Variants in DACH2 observed in about 807,000 individuals in gnomAD.
The protein encoded by DACH2 is dachshund family transcription factor 2, also known as dachshund homolog 2.
In DACH2, 17 loss-of-function variants were observed where a neutral mutation model predicts 35.8. The ratio of observed to expected loss-of-function variants is 0.48; its 90% confidence interval spans 0.33 to 0.71. DACH2 has a LOEUF of 0.71. DACH2 is among the 30% of genes least tolerant of loss of function. The pLI is 0.02. For missense variants in DACH2, 469 were observed against 472.7 expected (o/e 0.99, Z 0.07); for synonymous variants, 195 against 177.3 (o/e 1.10, Z -0.79).
intron 7 of DACH2, among the ~76,000 whole-genome samples, chrX:86,791,156 T>A (rs2042183652): frequency 9.0e-6 from 1 of 110,885 alleles, no homozygotes; most frequent in Admixed American, 9.6e-5. Context: ...GGGGTGGCAG[T>A]GGTGGAAGAA....
intron 1 of DACH2, among the ~76,000 whole-genome samples, chrX:86,173,651 A>C (rs143630939): frequency 8.9e-6 from 1 of 111,776 alleles, no homozygotes; most frequent in Non-Finnish European, 1.9e-5. Flanking sequence ...TAGGAAAGAG[A>C]TCATAATGGT....
At chrX:86,452,362 T>C (rs969834574) in intron 2 of DACH2, among the ~76,000 whole-genome samples, 1 of 111,686 alleles carries the variant, frequency 9.0e-6, no homozygotes, top group African/African-American at 3.3e-5. Flanking sequence ...GAGGAGTCCT[T>C]CGTTTTCAAT....
chrX:86,662,544 G>A (rs1416112681), intron 4 of DACH2, among the ~76,000 whole-genome samples: 5 of 109,629 alleles, frequency 4.6e-5, no homozygotes, highest in Non-Finnish European at 9.5e-5. Context: ...AGTGAGCCGA[G>A]ATCACGCCGC....
intron 2 of DACH2, among the ~76,000 whole-genome samples, chrX:86,458,793 T>C (rs1422916270): frequency 9.0e-6 from 1 of 111,485 alleles, no homozygotes; most frequent in Non-Finnish European, 1.9e-5. Context: ...AGGCATTACT[T>C]ATGATTTAAG....
chrX:86,730,546 G>T (rs1035090477), intron 6 of DACH2, among the ~76,000 whole-genome samples: 1 of 111,644 alleles, frequency 9.0e-6, no homozygotes, highest in Admixed American at 9.5e-5. Flanking sequence ...GAAACCACTG[G>T]TATCTGGTTT....
intron 1 of DACH2, among the ~76,000 whole-genome samples, chrX:86,222,249 A>C (rs1168549971): frequency 8.9e-6 from 1 of 112,312 alleles, no homozygotes; most frequent in Non-Finnish European, 1.9e-5. Context: ...ATCCACTCAA[A>C]TATTAGCAGG....
intron 1 of DACH2, among the ~76,000 whole-genome samples, chrX:86,288,862 T>C (rs758326467): frequency 8.9e-6 from 1 of 111,822 alleles, no homozygotes; most frequent in South Asian, 3.7e-4. Flanking sequence ...TCAAGTCTGG[T>C]TTGGTGCTCT....
chrX:86,585,190 C>A (rs1321466148), intron 3 of DACH2, among the ~76,000 whole-genome samples: 2 of 110,669 alleles, frequency 1.8e-5, no homozygotes, highest in East Asian at 5.7e-4. Flanking sequence ...ACTGCTGGGT[C>A]CAATGATAGT....
At chrX:86,406,040 C>A (rs985085656) in intron 2 of DACH2, among the ~76,000 whole-genome samples, 3 of 111,573 alleles carry the variant, frequency 2.7e-5, no homozygotes, top group African/African-American at 9.8e-5. Context: ...AATTACCTCC[C>A]ACTGGGCCCC....
At chrX:86,395,050 T>C (rs759728301) in intron 2 of DACH2, among the ~76,000 whole-genome samples, 50 of 111,958 alleles carry the variant, frequency 4.5e-4, no homozygotes, top group Non-Finnish European at 7.3e-4. Flanking sequence ...CAACTGAGAC[T>C]CTAAGTGCAC....
At chrX:86,722,176 T>C (rs1025138870) in intron 6 of DACH2, among the ~76,000 whole-genome samples, 1 of 112,036 alleles carries the variant, frequency 8.9e-6, no homozygotes, top group Non-Finnish European at 1.9e-5. Flanking sequence ...GGGTTTGTCA[T>C]AATGGTTCTC....
At chrX:86,541,104 G>A (rs1166972722) in intron 3 of DACH2, among the ~76,000 whole-genome samples, 5 of 111,869 alleles carry the variant, frequency 4.5e-5, no homozygotes. Flanking sequence ...AAACACATTC[G>A]TGTGCAAAGC....
Position 86,672,905 on chromosome X carries a change from G to A in DACH2, c.772+21738G>A, listed in dbSNP as rs148803276. On this transcript the variant is annotated intron_variant, in intron 4 of 11. Transcript: ENST00000373125. ...ACTTGCATTGTGCACCTGGAAAAGC[G>A]GCAGACATTTAATGCCAGCCTGTGC... Among the ~76,000 whole-genome samples the A allele has an allele frequency of 3.0e-3, 331 of 111,792 alleles. 1 individual carries two copies. The highest frequency in any genetic ancestry group is 3.7e-3 in the Non-Finnish European group (199 of 53,129).
At chrX:86,530,788 T>C (rs2038708027) in intron 3 of DACH2, among the ~76,000 whole-genome samples, 1 of 111,919 alleles carries the variant, frequency 8.9e-6, no homozygotes, top group Admixed American at 9.5e-5. Context: ...TTTGGAGGGC[T>C]CAGAAGAAGA....
intron 5 of DACH2, among the ~76,000 whole-genome samples, chrX:86,696,499 AGTCT>A (rs1316046572): frequency 8.9e-6 from 1 of 112,044 alleles, no homozygotes; most frequent in Non-Finnish European, 1.9e-5. Context: ...TTTGGCCTCT[AGTCT>A]GACATGTAAA....
At chrX:86,692,557 T>C (rs1215047965) in intron 4 of DACH2, among the ~76,000 whole-genome samples, 1 of 112,251 alleles carries the variant, frequency 8.9e-6, no homozygotes, top group East Asian at 2.8e-4. Flanking sequence ...TACTACCTAA[T>C]GTACCATTTC....
intron 1 of DACH2, among the ~76,000 whole-genome samples, chrX:86,251,446 A>AG (rs1250793106): frequency 9.0e-6 from 1 of 110,705 alleles, no homozygotes; most frequent in Non-Finnish European, 1.9e-5. Context: ...TCACCCAAGC[A>AG]GTATACACTG....
intron 2 of DACH2, among the ~76,000 whole-genome samples, chrX:86,425,872 T>C (rs1156818268): frequency 2.7e-5 from 3 of 110,732 alleles, no homozygotes; most frequent in African/African-American, 6.5e-5. Flanking sequence ...CAAATAACTA[T>C]GTTTAGTAGT....
At chrX:86,820,463 C>CT (rs897644908) in intron 11 of DACH2, among the ~76,000 whole-genome samples, 17 of 105,506 alleles carry the variant, frequency 1.6e-4, no homozygotes, top group Admixed American at 2.1e-4. Context: ...CCTACTAGAC[C>CT]TTTTTTTTTT....
Sources: gnomAD v4.1 joint callset for allele counts (sites outside exome capture counted in the v4.1 genomes callset) on GRCh38, gnomAD v4.1.1 for gene constraint, MANE v1.5 for transcripts, NCBI Gene and HGNC (gene_info 2026-07-23, HGNC 2026-07-21) for gene names.